The following MCOLN1 variants were observed in gnomAD, a reference collection of about 807,000 sequenced individuals.
MCOLN1 encodes the protein mucolipin-1.
A neutral mutation model predicts 70.3 loss-of-function variants in MCOLN1; 50 were observed. The observed-to-expected ratio is 0.71, with a 90% CI of 0.57 to 0.90. MCOLN1 has a LOEUF of 0.90. MCOLN1 is among the 40% of genes least tolerant of loss of function. The probability of loss-of-function intolerance (pLI) is 0.00; values close to 1 mark genes in which losing one functional copy is unlikely to be tolerated. For synonymous variants in MCOLN1, 366 were observed against 341.0 expected (o/e 1.07, Z -0.81); for missense variants, 598 against 803.5 (o/e 0.74, Z 3.09).
Position 7,529,450 on chromosome 19 carries a change from C to G in MCOLN1, c.1237-140C>G, listed in dbSNP as rs573056760. The G allele has an allele frequency of 5.8e-4, 669 of 1,159,358 alleles. 5 individuals carry two copies. In the African/African-American group the frequency reaches 9.5e-3, roughly 17 times the overall value. The allele number at this position is 1,159,358 out of a possible 1,614,324, so 71.8% of individuals were successfully genotyped here. On this transcript the variant is annotated intron_variant, in intron 10 of 13. Transcript: ENST00000264079. ...ACCCCCTCAGACGTGGCCACGCCCC[C>G]TCTAGGCACCCACTGGCTCCCATGA... is the stretch of plus-strand genomic sequence containing the variant.
In MCOLN1 at chr19:7,529,192, A is replaced by T; in HGVS notation, c.1226A>T (p.His409Leu). 1 of 1,612,668 alleles carries T rather than the reference A, an allele frequency of 6.2e-7. No homozygotes were observed. Among genetic ancestry groups the T allele is most frequent in the Non-Finnish European group, 8.5e-7 (1 of 1,179,866 alleles). The change falls in exon 10 of 14, where the codon CAC becomes CTC. Residue 409 changes from histidine to leucine, a missense_variant. His to Leu is a moderately conservative substitution (Grantham distance 99). Transcript: ENST00000264079. ...VGVIRYLTFF[H>L]NYNILIATLR... ...GTGATCCGCTACCTGACCTTCTTCCACAACTACAATGTGAGTTTTGCACAT... is the reference window on the plus strand; with the variant it reads ...GTGATCCGCTACCTGACCTTCTTCCTCAACTACAATGTGAGTTTTGCACAT...
chr19:7,528,336 T>C lies in MCOLN1; in HGVS notation c.877+79T>C. The C allele has an allele frequency of 1.4e-6, 2 of 1,390,138 alleles. No individual in the cohort carries two copies. The highest frequency in any genetic ancestry group is 2.0e-6 in the Non-Finnish European group (2 of 982,472). The allele number at this position is 1,390,138 out of a possible 1,614,324, so 86.1% of individuals were successfully genotyped here. On this transcript the variant is annotated intron_variant, in intron 7 of 13. Transcript: ENST00000264079. This position sits in a 1 kb window ranked among gnomAD's most constrained non-coding sequence, Gnocchi z 4.2. The stretch of plus-strand genomic sequence containing the variant: ...GATTCCCCAAGCCCCAGATCAGCGC[T>C]GCCTGGGGGCCGTGACCTCCCCAGG...
In MCOLN1 at chr19:7,528,555, T is replaced by G. The variant is rs1322822092; in HGVS notation, c.878-42T>G. ...GGCACCAATGCTAGCCTCCCAAGGC[T>G]CCATGCCATCCTTGGCCCTACCCGC... On this transcript the variant is annotated intron_variant, in intron 7 of 13. Transcript: ENST00000264079. The surrounding 1 kb of genome is among the most constrained non-coding windows in gnomAD (Gnocchi z 4.2). The G allele has an allele frequency of 6.2e-7, 1 of 1,612,720 alleles. No homozygotes were observed. The highest frequency in any genetic ancestry group is 8.5e-7 in the Non-Finnish European group (1 of 1,179,714).
rs1238874427 is a variant in MCOLN1 at position 7,525,373 on chromosome 19, A to G, written c.237+207A>G. On this transcript the variant is annotated intron_variant, in intron 2 of 13. Coordinates refer to ENST00000264079, the MANE Select transcript of MCOLN1 (RefSeq NM_020533.3). This position sits in a 1 kb window ranked among gnomAD's most constrained non-coding sequence, Gnocchi z 4.2. Reference sequence around the variant, plus strand: ...GCCGTGCGTGGTGGCGGGTGCCTGTAATCCCAGCTACTTGGCAGGCTGAGG... The same window carrying G: ...GCCGTGCGTGGTGGCGGGTGCCTGTGATCCCAGCTACTTGGCAGGCTGAGG... 3 of 536,334 alleles carry G rather than the reference A, an allele frequency of 5.6e-6. No individual in the cohort carries two copies. Among genetic ancestry groups the G allele is most frequent in the Non-Finnish European group, 1.0e-5 (3 of 292,700 alleles). The allele number at this position is 536,334 out of a possible 1,614,324, so 33.2% of individuals were successfully genotyped here.
At position 7,528,702 on chromosome 19, in the gene MCOLN1, A is replaced by T; in HGVS notation, c.983A>T (p.Asn328Ile). ...CTCCTTCGAGGCTTCCTGCTGCAGAACGTGAGGCTTCTGCGTCATGTGTGC... is the reference window on the plus strand; with the variant it reads ...CTCCTTCGAGGCTTCCTGCTGCAGATCGTGAGGCTTCTGCGTCATGTGTGC... ...RSLLRGFLLQ[N>I]EFVGFMWRQR... The change falls in exon 8 of 14, where the codon AAC becomes ATC. Residue 328 changes from asparagine (N) to isoleucine (I), a missense_variant and splice_region_variant. Transcript: ENST00000264079. The surrounding 1 kb of genome is among the most constrained non-coding windows in gnomAD (Gnocchi z 4.2). The T allele has an allele frequency of 6.2e-7, 1 of 1,614,128 alleles. No individual in the cohort carries two copies. Among genetic ancestry groups the T allele is most frequent in the Non-Finnish European group, 8.5e-7 (1 of 1,179,992 alleles).
Position 7,522,632 on chromosome 19 carries a change from G to C in MCOLN1, c.-119G>C. On this transcript the variant is annotated 5_prime_UTR_variant, in exon 1 of 14. Transcript: ENST00000264079. The stretch of plus-strand genomic sequence containing the variant: ...GGTCACGTGACCGAGGCACAGATCA[G>C]CTGATGCCGGAGGGTTTGAAGCCGC... 2 of 1,088,720 alleles carry C rather than the reference G, an allele frequency of 1.8e-6. No homozygotes were observed. Among genetic ancestry groups the C allele is most frequent in the Non-Finnish European group, 1.2e-6 (1 of 800,894 alleles). 67.4% of individuals were successfully genotyped at this position (1,088,720 alleles called of 1,614,324 possible).
rs1248529331 is a variant in MCOLN1 at position 7,525,255 on chromosome 19, G to T, written c.237+89G>T. 8.1e-7 allele frequency: 1 copy of T among 1,236,328 alleles called. No individual in the cohort carries two copies. 76.6% of individuals were successfully genotyped at this position (1,236,328 alleles called of 1,614,324 possible). ...GAGTCTTAAAGCAGCACTTTGGAAG[G>T]CCGAGGCCGGTGGATCGCTTGAGGC... On this transcript the variant is annotated intron_variant, in intron 2 of 13. Transcript: ENST00000264079. This position sits in a 1 kb window ranked among gnomAD's most constrained non-coding sequence, Gnocchi z 4.2.
In MCOLN1 at chr19:7,533,630, C is replaced by T. The variant is rs776990695; in HGVS notation, c.1683C>T (p.Cys561=). ...TCCGCCGCGGGAGCGGCTCGGCCTG[C>T]AGCCTTCTCTGCTGCTGCGGAAGGT... ...GKFRRGSGSA[C]SLLCCCGRDP... is the part of the protein sequence containing the mutation. Residue 561 remains cysteine, a synonymous_variant, in exon 13 of 14, where the codon TGC becomes TGT. Coordinates refer to ENST00000264079, the MANE Select transcript of MCOLN1 (RefSeq NM_020533.3). 2 of 1,612,524 alleles carry T rather than the reference C, an allele frequency of 1.2e-6. No individual in the cohort carries two copies. Among genetic ancestry groups the T allele is most frequent in the East Asian group, 4.5e-5 (2 of 44,816 alleles).
chr19:7,526,852 G>T lies in MCOLN1; in HGVS notation c.497G>T (p.Cys166Phe), dbSNP rs797044826. The change falls in exon 4 of 14, where the codon TGC becomes TTC. Residue 166 changes from cysteine (C) to phenylalanine (F), a missense_variant. By Grantham distance (205) the Cys-to-Phe change is radical. Around this residue, in one of 3 missense-constraint regions of MCOLN1, gnomAD observed 461 missense variants for 588.4 expected, o/e 0.78. Coordinates refer to ENST00000264079, the MANE Select transcript of MCOLN1 (RefSeq NM_020533.3). This position sits in a 1 kb window ranked among gnomAD's most constrained non-coding sequence, Gnocchi z 4.6. Reference sequence around the variant, plus strand: ...ACCAATGGCTCAGGGCTTGCTCTCTGCCAGCGGTACTACCACCGAGGCCAC... The same window carrying T: ...ACCAATGGCTCAGGGCTTGCTCTCTTCCAGCGGTACTACCACCGAGGCCAC... ...PWTNGSGLAL[C>F]QRYYHRGHVD... The T allele has an allele frequency of 1.4e-5, 23 of 1,614,052 alleles. No individual in the cohort carries two copies. The highest frequency in any genetic ancestry group is 1.9e-5 in the Non-Finnish European group (23 of 1,180,044).
chr19:7,527,969 C>T lies in MCOLN1; in HGVS notation c.777+9C>T, dbSNP rs1183793249. The T allele has an allele frequency of 1.2e-6, 2 of 1,610,378 alleles. No homozygotes were observed. Among genetic ancestry groups the T allele is most frequent in the Non-Finnish European group, 1.7e-6 (2 of 1,176,594 alleles). On this transcript the variant is annotated intron_variant, in intron 6 of 13. Coordinates refer to ENST00000264079, the MANE Select transcript of MCOLN1 (RefSeq NM_020533.3). ...ATACCTTCAGCGTCCTGGTGAGGCC[C>T]CCCGGGAACCCACAGGGCTCCTGAG...
chr19:7,529,628 C>T lies in MCOLN1; in HGVS notation c.1275C>T (p.Val425=). 1.2e-6 allele frequency: 2 copies of T among 1,614,092 alleles called. No homozygotes were observed. Among genetic ancestry groups the T allele is most frequent in the East Asian group, 2.2e-5 (1 of 44,878 alleles). Residue 425 remains valine, a synonymous_variant, in exon 11 of 14, where the codon GTC becomes GTT. Transcript: ENST00000264079. ...IATLRVALPS[V]MRFCCCVAVI... ...CACTGCGGGTGGCCCTGCCCAGCGT[C>T]ATGCGCTTCTGCTGCTGCGTGGCTG...
chr19:7,529,361 C>T (rs116181528), intron 10 of MCOLN1, among the ~76,000 whole-genome samples, 159 bp downstream of exon 10: 1 of 152,192 alleles, frequency 6.6e-6, no homozygotes, highest in South Asian at 2.1e-4. Context: ...TGCACCTGCG[C>T]GGGGCCCCGG....
chr19:7,526,075 A>G lies in MCOLN1; in HGVS notation c.238-364A>G. The G allele has an allele frequency of 2.9e-6, 1 of 349,622 alleles. No homozygotes were observed. Among genetic ancestry groups the G allele is most frequent in the South Asian group, 2.5e-5 (1 of 40,334 alleles). The allele number at this position is 349,622 out of a possible 1,614,324, so 21.7% of individuals were successfully genotyped here. ...AGACTCTGTCTCAAAAAAGAAAAGA[A>G]AAGGGACCCAGTCATGGTACTTACC... On this transcript the variant is annotated intron_variant, in intron 2 of 13. Transcript: ENST00000264079. This position sits in a 1 kb window ranked among gnomAD's most constrained non-coding sequence, Gnocchi z 4.6.
chr19:7,533,256 G>C (rs1218689066), intron 12 of MCOLN1: 1 of 577,478 alleles, frequency 1.7e-6, no homozygotes, highest in African/African-American at 1.9e-5. Flanking sequence ...GGTCATGTCA[G>C]CCCTGGCTCT....
Position 7,528,085 on chromosome 19 carries a change from C to T in MCOLN1, c.778-73C>T. On this transcript the variant is annotated intron_variant, in intron 6 of 13. Coordinates refer to ENST00000264079, the MANE Select transcript of MCOLN1 (RefSeq NM_020533.3). This position sits in a 1 kb window ranked among gnomAD's most constrained non-coding sequence, Gnocchi z 4.2. Reference sequence around the variant, plus strand: ...ATGAGGGAGGGAGCCCGGGGTCTGTCAGGCCACCTGTCATGTGGACCTTGG... The same window carrying T: ...ATGAGGGAGGGAGCCCGGGGTCTGTTAGGCCACCTGTCATGTGGACCTTGG... The T allele has an allele frequency of 6.4e-7, 1 of 1,564,214 alleles. No individual in the cohort carries two copies. Among genetic ancestry groups the T allele is most frequent in the Admixed American group, 1.7e-5 (1 of 59,912 alleles).
intron 10 of MCOLN1, 70 bp from the exon 11 acceptor site, chr19:7,529,520 C>CAA: frequency 1.2e-5 from 17 of 1,386,820 alleles, no homozygotes; most frequent in African/African-American, 2.9e-5. Flanking sequence ...CTCCCACCCC[C>CAA]ATCTGGGTGC....
intron 5 of MCOLN1, 108 bp from the exon 6 acceptor site, chr19:7,527,756 G>A: frequency 8.9e-7 from 1 of 1,127,734 alleles, no homozygotes; most frequent in Non-Finnish European, 1.4e-6. Context: ...TGCTGGGTGA[G>A]CACTTCCCCT....
At chr19:7,530,602 G>A (rs982844600) in intron 12 of MCOLN1, 101 bp downstream of exon 12, 11 of 1,136,934 alleles carry the variant, frequency 9.7e-6, no homozygotes, top group Admixed American at 1.7e-5. Flanking sequence ...AGAAGACCCA[G>A]GAGAGAATAT....
intron 9 of MCOLN1, 56 bp from the exon 10 acceptor site, chr19:7,529,045 C>A: frequency 1.2e-6 from 2 of 1,613,316 alleles, no homozygotes; most frequent in South Asian, 2.2e-5. Context: ...TATCCTCCCC[C>A]AGGCCCCCCA....
Sources: gnomAD v4.1 joint callset for allele counts (sites outside exome capture counted in the v4.1 genomes callset) on GRCh38, gnomAD v4.1.1 for gene constraint, gnomAD v4.1.1 regional missense constraint, Gnocchi (gnomAD v3.1) non-coding constraint, MANE v1.5 for transcripts, NCBI Gene and HGNC (gene_info 2026-07-23, HGNC 2026-07-21) for gene names.